ARMC9: variants seen among roughly 807,000 people sequenced by gnomAD.
The protein encoded by ARMC9 is lisH domain-containing protein ARMC9.
In ARMC9, 94 loss-of-function variants were observed where a neutral mutation model predicts 107.0. The observed-to-expected ratio is 0.88, with a 90% CI of 0.74 to 1.04. The LOEUF (loss-of-function observed/expected upper bound fraction) is 1.04, where lower values mean the gene tolerates loss of function less well. ARMC9 is among the 50% of genes least tolerant of loss of function. The probability of loss-of-function intolerance (pLI) is 0.00; values close to 1 mark genes in which losing one functional copy is unlikely to be tolerated. For missense variants in ARMC9, 942 were observed against 1,030.1 expected, an observed-to-expected ratio of 0.91 and a Z score of 1.17; for synonymous variants, 380 against 396.9, an observed-to-expected ratio of 0.96 and a Z score of 0.51.
chr2:231,276,778 C>G lies in ARMC9; in HGVS notation c.1474+3C>G. ...GAACCTCTGCCTCCGCAGCACAGGT[C>G]TCAGCCCCGACCCTCATTCTAGTGC... On this transcript the variant is annotated splice_donor_region_variant and intron_variant, in intron 15 of 24. Coordinates refer to ENST00000611582, the MANE Select transcript of ARMC9 (RefSeq NM_001352754.2). 6.2e-7 allele frequency: 1 copy of G among 1,613,948 alleles called. No individual in the cohort carries two copies. Among genetic ancestry groups the G allele is most frequent in the Non-Finnish European group, 8.5e-7 (1 of 1,179,960 alleles).
intron 5 of ARMC9, among the ~76,000 whole-genome samples, chr2:231,221,040 G>T (rs1033662102): frequency 1.3e-5 from 2 of 152,210 alleles, no homozygotes; most frequent in Non-Finnish European, 2.9e-5. Context: ...GGCTGCCCTA[G>T]CAAAGTACCA....
chr2:231,352,911 C>G (rs1459746147), intron 21 of ARMC9, among the ~76,000 whole-genome samples: 2 of 121,662 alleles, frequency 1.6e-5, no homozygotes, highest in Non-Finnish European at 3.1e-5. Flanking sequence ...ACTAAAAATA[C>G]AAAAATTTGG....
At chr2:231,259,269 G>A (rs868594888) in intron 11 of ARMC9, among the ~76,000 whole-genome samples, 167 bp downstream of exon 11, 2 of 152,100 alleles carry the variant, frequency 1.3e-5, no homozygotes, top group African/African-American at 2.4e-5. Context: ...GATAGCCTGG[G>A]CCTCCTTTTA....
chr2:231,289,683 G>T (rs1395026490), intron 17 of ARMC9, among the ~76,000 whole-genome samples: 2 of 152,134 alleles, frequency 1.3e-5, no homozygotes, highest in African/African-American at 4.8e-5. Context: ...GCCTGGCCAG[G>T]TGTCCAACTG....
chr2:231,328,705 G>A (rs1256839405), intron 19 of ARMC9, among the ~76,000 whole-genome samples: 6 of 151,774 alleles, frequency 4.0e-5, no homozygotes, highest in Non-Finnish European at 8.8e-5. Flanking sequence ...CCCTCTACCA[G>A]TAGCATACAA....
At chr2:231,213,569 C>T (rs541135970) in intron 3 of ARMC9, among the ~76,000 whole-genome samples, 18 of 151,898 alleles carry the variant, frequency 1.2e-4, no homozygotes, top group African/African-American at 4.3e-4. Context: ...CTCCGCCTCC[C>T]GGGTTCAAGC....
At position 231,216,675 on chromosome 2, in the gene ARMC9, A is replaced by G. The variant is rs778469451; in HGVS notation, c.386A>G (p.Lys129Arg). 3 of 1,613,854 alleles carry G rather than the reference A, an allele frequency of 1.9e-6. No individual in the cohort carries two copies. Among genetic ancestry groups the G allele is most frequent in the Admixed American group, 1.7e-5 (1 of 59,982 alleles). ...EELDEKISYFKTYLETKGAAL... is the reference protein window; with the variant it reads ...EELDEKISYFRTYLETKGAAL... The stretch of plus-strand genomic sequence containing the variant: ...CTGGATGAAAAGATTTCCTACTTCA[A>G]AACCTACCTGGAGACCAAAGGGGCA... The change falls in exon 5 of 25, where the codon AAA becomes AGA. Residue 129 changes from lysine to arginine, a missense_variant. By Grantham distance (26) the Lys-to-Arg change is conservative. Transcript: ENST00000611582.
chr2:231,246,500 C>CCAGCTG (rs1191288163), intron 9 of ARMC9, among the ~76,000 whole-genome samples: 1 of 152,176 alleles, frequency 6.6e-6, no homozygotes, highest in Non-Finnish European at 1.5e-5. Flanking sequence ...ATGATGGCCT[C>CCAGCTG]CAGCTGCATC....
intron 17 of ARMC9, among the ~76,000 whole-genome samples, chr2:231,283,414 T>C (rs2040360387): frequency 6.6e-6 from 1 of 152,124 alleles, no homozygotes. Context: ...ACCCCAAAGC[T>C]TAGTGGCTTA....
chr2:231,368,274 C>T (rs146602649), intron 23 of ARMC9, among the ~76,000 whole-genome samples: 1 of 152,140 alleles, frequency 6.6e-6, no homozygotes, highest in South Asian at 2.1e-4. Flanking sequence ...CAACCCAGTT[C>T]CCTGGTCAGA....
intron 1 of ARMC9, among the ~76,000 whole-genome samples, chr2:231,201,439 C>G (rs2030946431): frequency 6.6e-6 from 1 of 152,226 alleles, no homozygotes; most frequent in Admixed American, 6.5e-5. Flanking sequence ...CATCCTGGCC[C>G]CTCCAGTTTC....
intron 4 of ARMC9, among the ~76,000 whole-genome samples, chr2:231,215,852 A>G (rs2033443097): frequency 6.6e-6 from 1 of 152,226 alleles, no homozygotes; most frequent in Admixed American, 6.5e-5. Context: ...TCACTCTTGC[A>G]GGGAAGATCA....
At chr2:231,259,758 C>T (rs138557082) in intron 11 of ARMC9, among the ~76,000 whole-genome samples, 1,539 of 152,266 alleles carry the variant, frequency 0.01, 14 homozygotes, top group African/African-American at 0.031. Flanking sequence ...ACTGGCAGGC[C>T]GAGGCAGGTG....
At position 231,222,817 on chromosome 2, in the gene ARMC9, A is replaced by G. The variant is rs373903250; in HGVS notation, c.594A>G (p.Ile198Met). The change falls in exon 6 of 25, where the codon ATA becomes ATG. Residue 198 changes from isoleucine to methionine, a missense_variant. Coordinates refer to ENST00000611582, the MANE Select transcript of ARMC9 (RefSeq NM_001352754.2). ...KASNTPKLLT[I>M]YKENGQSNKE... ...GCAACACGCCAAAGCTTTTAACAATATATGTATCCTTTTGAAGCAAATAGA... is the reference window on the plus strand; with the variant it reads ...GCAACACGCCAAAGCTTTTAACAATGTATGTATCCTTTTGAAGCAAATAGA... 86 of 1,567,556 alleles carry G rather than the reference A, an allele frequency of 5.5e-5. No homozygotes were observed. The East Asian group carries it at 7.6e-4, about 14-fold the overall frequency.
At chr2:231,252,207 A>G (rs2037359520) in intron 9 of ARMC9, among the ~76,000 whole-genome samples, 1 of 152,216 alleles carries the variant, frequency 6.6e-6, no homozygotes, top group Non-Finnish European at 1.5e-5. Flanking sequence ...ATAACCAGCC[A>G]ATATCACTAA....
At chr2:231,259,875 A>G (rs1238063413) in intron 11 of ARMC9, among the ~76,000 whole-genome samples, 1 of 152,184 alleles carries the variant, frequency 6.6e-6, no homozygotes, top group South Asian at 2.1e-4. Flanking sequence ...AGGCGCCTGT[A>G]GTCCCAGCTA....
chr2:231,301,140 TAGAG>T (rs1292407081), intron 19 of ARMC9, among the ~76,000 whole-genome samples: 1 of 152,224 alleles, frequency 6.6e-6, no homozygotes, highest in Non-Finnish European at 1.5e-5. Flanking sequence ...TGAGATAACA[TAGAG>T]ATAGAAATAC....
intron 7 of ARMC9, among the ~76,000 whole-genome samples, chr2:231,232,175 G>A (rs948275981): frequency 4.6e-5 from 7 of 151,450 alleles, no homozygotes; most frequent in South Asian, 4.2e-4. Flanking sequence ...ACAGGTGTGC[G>A]CCACCACGCC....
At chr2:231,355,752 C>A in intron 21 of ARMC9, 46 bp from the exon 22 acceptor site, 1 of 1,503,934 alleles carries the variant, frequency 6.6e-7, no homozygotes. Context: ...CAGTCCGAAT[C>A]TCCTGGCTGG....
Sources: allele counts gnomAD v4.1 joint callset (sites outside exome capture counted in the v4.1 genomes callset), GRCh38; gene constraint gnomAD v4.1.1; transcripts MANE v1.5; gene names NCBI Gene and HGNC (gene_info 2026-07-23, HGNC 2026-07-21).